Variants in TOM1L2 observed in about 807,000 individuals in gnomAD.
TOM1L2 encodes target of myb1 like 2 membrane trafficking protein.
A neutral mutation model predicts 67.9 loss-of-function variants in TOM1L2; 31 were observed. The observed-to-expected ratio is 0.46, with a 90% confidence interval of 0.34 to 0.62. The LOEUF is 0.62. TOM1L2 is among the 20% of genes least tolerant of loss of function. TOM1L2 has a pLI of 0.01. For missense variants in TOM1L2, 606 were observed against 663.5 expected (o/e 0.91, Z 0.95); for synonymous variants, 256 against 254.0 (o/e 1.01, Z -0.07).
At chr17:17,897,568 T>A (rs536000426) in intron 3 of TOM1L2, among the ~76,000 whole-genome samples, 1 of 152,306 alleles carries the variant, frequency 6.6e-6, no homozygotes, top group African/African-American at 2.4e-5. Flanking sequence ...AAGACAGAAA[T>A]AACACCTGAA....
intron 2 of TOM1L2, among the ~76,000 whole-genome samples, chr17:17,905,196 A>G (rs1366397178): frequency 2.0e-5 from 3 of 152,202 alleles, no homozygotes; most frequent in African/African-American, 4.8e-5. Context: ...GCTGGTGAAA[A>G]TATGCCACCT....
chr17:17,891,977 A>G (rs2038309600), intron 4 of TOM1L2, among the ~76,000 whole-genome samples: 2 of 152,180 alleles, frequency 1.3e-5, no homozygotes, highest in African/African-American at 4.8e-5. Context: ...TCTACACATT[A>G]CACTGCTCTA....
At chr17:17,880,246 C>T (rs905960086) in intron 6 of TOM1L2, among the ~76,000 whole-genome samples, 1 of 152,228 alleles carries the variant, frequency 6.6e-6, no homozygotes, top group Non-Finnish European at 1.5e-5. Flanking sequence ...AGAGGCTGGG[C>T]AGTGTCAATA....
At chr17:17,889,918 C>T (rs543934557) in intron 4 of TOM1L2, among the ~76,000 whole-genome samples, 9 of 152,218 alleles carry the variant, frequency 5.9e-5, no homozygotes, top group African/African-American at 1.9e-4. Flanking sequence ...AGTCTGTTAC[C>T]GCTCTGGCAC....
At chr17:17,871,460 A>G (rs554698449) in intron 7 of TOM1L2, among the ~76,000 whole-genome samples, 46 of 152,348 alleles carry the variant, frequency 3.0e-4, no homozygotes, top group African/African-American at 1.1e-3. Flanking sequence ...ACTTGAGGTC[A>G]GGAGTTTGAG....
intron 1 of TOM1L2, among the ~76,000 whole-genome samples, chr17:17,948,962 C>G (rs78839717): frequency 0.024 from 3,628 of 152,030 alleles, 120 homozygotes; most frequent in African/African-American, 0.076. Context: ...TTGGGCAAAG[C>G]CAAAAAGTTA....
intron 2 of TOM1L2, 33 bp from the exon 3 acceptor site, chr17:17,898,707 A>G: frequency 6.2e-7 from 1 of 1,610,722 alleles, no homozygotes; most frequent in Non-Finnish European, 8.5e-7. Flanking sequence ...AAAGATACTT[A>G]CAATCCCACT....
chr17:17,952,816 G>T (rs1203246581), intron 1 of TOM1L2, among the ~76,000 whole-genome samples: 2 of 152,160 alleles, frequency 1.3e-5, no homozygotes, highest in African/African-American at 4.8e-5. Context: ...GCAGCCTCTG[G>T]GGTAGAGGAA....
At chr17:17,887,797 A>G (rs1187844006) in intron 4 of TOM1L2, among the ~76,000 whole-genome samples, 1 of 152,078 alleles carries the variant, frequency 6.6e-6, no homozygotes, top group African/African-American at 2.4e-5. Flanking sequence ...TTGAAGGCAG[A>G]CACCGAGTCT....
intron 1 of TOM1L2, among the ~76,000 whole-genome samples, chr17:17,920,248 T>G (rs1320975389): frequency 6.6e-6 from 1 of 152,050 alleles, no homozygotes; most frequent in Non-Finnish European, 1.5e-5. Context: ...ATCTTTTATT[T>G]TGGAATAATT....
chr17:17,936,135 T>C (rs2040506363), intron 1 of TOM1L2, among the ~76,000 whole-genome samples: 1 of 152,214 alleles, frequency 6.6e-6, no homozygotes, highest in Non-Finnish European at 1.5e-5. Flanking sequence ...CCCATCTCTC[T>C]CCACCCTCCC....
chr17:17,911,297 C>T (rs2039338493), intron 1 of TOM1L2, among the ~76,000 whole-genome samples: 1 of 145,098 alleles, frequency 6.9e-6, no homozygotes, highest in Non-Finnish European at 1.5e-5. Flanking sequence ...GAGCTCAGGC[C>T]TGCCCTGCCC....
rs2035635847 is a variant in TOM1L2, at chr17:17,846,178, G to A, written c.*1457C>T. ...AGCCCCCTTTCCCTGCTTGGCTGGT[G>A]GTCTGGGCCGTCCTGCCAGGTGGGA... On this transcript the variant is annotated 3_prime_UTR_variant, in exon 15 of 15. Coordinates refer to ENST00000379504, the MANE Select transcript of TOM1L2 (RefSeq NM_001082968.2). 1.3e-5 allele frequency: 2 copies of A among 152,300 alleles called. No homozygotes were observed. The highest frequency in any genetic ancestry group is 4.1e-4 in the South Asian group (2 of 4,828). The allele number at this position is 152,300 out of a possible 1,614,324, so 9.4% of individuals were successfully genotyped here. A position where few individuals can be genotyped will look rare whatever the true frequency, so the allele number is the denominator to read the frequency against.
Position 17,948,485 on chromosome 17 carries a change from A to G in TOM1L2, c.52+23777T>C, listed in dbSNP as rs369110926. On this transcript the variant is annotated intron_variant, in intron 1 of 14. Coordinates refer to ENST00000379504, the MANE Select transcript of TOM1L2 (RefSeq NM_001082968.2). ...AACATGGTGAAACCCCGTCTCTACT[A>G]AAAATACAAAACAAAAATCAGCCAG... 2.6e-5 allele frequency among the ~76,000 whole-genome samples: 4 copies of G among 152,266 alleles called. No homozygotes were observed. The East Asian group carries it at 7.7e-4, about 29-fold the overall frequency.
At chr17:17,950,791 T>C (rs544334017) in intron 1 of TOM1L2, among the ~76,000 whole-genome samples, 18 of 152,094 alleles carry the variant, frequency 1.2e-4, no homozygotes, top group Middle Eastern at 6.8e-3. Flanking sequence ...ACACAGAAAA[T>C]CTGTGACAGC....
At chr17:17,920,783 C>T (rs986558766) in intron 1 of TOM1L2, among the ~76,000 whole-genome samples, 29 of 151,442 alleles carry the variant, frequency 1.9e-4, no homozygotes, top group Non-Finnish European at 3.4e-4. Context: ...TACAGGCGCC[C>T]GCCACCATGC....
At chr17:17,871,874 C>A (rs1198887012) in intron 7 of TOM1L2, 1 of 701,148 alleles carries the variant, frequency 1.4e-6, no homozygotes, top group Non-Finnish European at 1.8e-6. Context: ...AACATACAGA[C>A]AAGTGCTAGA....
chr17:17,930,456 C>T (rs1299454539), intron 1 of TOM1L2, among the ~76,000 whole-genome samples: 1 of 152,172 alleles, frequency 6.6e-6, no homozygotes, highest in Admixed American at 6.5e-5. Flanking sequence ...AGACACCTGG[C>T]AGGCCCCTCC....
At chr17:17,941,967 A>G (rs1306517925) in intron 1 of TOM1L2, among the ~76,000 whole-genome samples, 1 of 152,160 alleles carries the variant, frequency 6.6e-6, no homozygotes, top group African/African-American at 2.4e-5. Flanking sequence ...CTAAAATACA[A>G]AAGTCTCAGC....
Sources: allele counts gnomAD v4.1 joint callset (sites outside exome capture counted in the v4.1 genomes callset), GRCh38; gene constraint gnomAD v4.1.1; transcripts MANE v1.5; gene names NCBI Gene and HGNC (gene_info 2026-07-23, HGNC 2026-07-21).